PDE4B: variants seen among roughly 807,000 people sequenced by gnomAD.
The protein encoded by PDE4B is 3',5'-cyclic-AMP phosphodiesterase 4B.
Under a neutral mutation model 82.2 loss-of-function variants are expected in PDE4B, and 20 were observed. That is an observed-to-expected ratio of 0.24 (90% CI 0.17 to 0.35). PDE4B has a LOEUF of 0.35. PDE4B is among the 10% of genes least tolerant of loss of function. PDE4B has a pLI of 1.00. For missense variants in PDE4B, 655 were observed against 907.2 expected (o/e 0.72, Z 3.57); for synonymous variants, 320 against 318.9 (o/e 1.00, Z -0.04).
chr1:66,014,839 T>A (rs555867686), intron 3 of PDE4B, among the ~76,000 whole-genome samples: 1 of 152,050 alleles, frequency 6.6e-6, no homozygotes, highest in African/African-American at 2.4e-5. Context: ...AATAAACAGC[T>A]CCCTAAAGCA....
intron 3 of PDE4B, among the ~76,000 whole-genome samples, chr1:65,989,893 AT>A (rs10654149): frequency 1.4e-5 from 2 of 142,532 alleles, no homozygotes; most frequent in African/African-American, 5.2e-5. Context: ...AAAGTGTCTC[AT>A]TTTTTTTTTT....
At chr1:65,905,431 G>A (rs377436927) in intron 1 of PDE4B, among the ~76,000 whole-genome samples, 1 of 152,082 alleles carries the variant, frequency 6.6e-6, no homozygotes, top group South Asian at 2.1e-4. Flanking sequence ...TGTGGCATAA[G>A]CATAAGGTGG....
intron 7 of PDE4B, among the ~76,000 whole-genome samples, chr1:66,307,377 C>T (rs971193494): frequency 3.9e-5 from 6 of 151,998 alleles, no homozygotes; most frequent in Admixed American, 6.6e-5. Flanking sequence ...TGAGGTCCTG[C>T]AAGAAACTAG....
At chr1:65,930,978 A>G (rs1028251689) in intron 3 of PDE4B, among the ~76,000 whole-genome samples, 4 of 152,264 alleles carry the variant, frequency 2.6e-5, no homozygotes, top group East Asian at 1.9e-4. Flanking sequence ...GTAATCCCCA[A>G]TGTTGGAAGT....
intron 1 of PDE4B, among the ~76,000 whole-genome samples, chr1:65,855,644 A>T (rs572520052): frequency 6.6e-6 from 1 of 152,292 alleles, no homozygotes; most frequent in African/African-American, 2.4e-5. Context: ...GTATGTCTTA[A>T]TATTCAGTGG....
chr1:66,091,284 C>G (rs1212837029), intron 3 of PDE4B, among the ~76,000 whole-genome samples: 2 of 151,996 alleles, frequency 1.3e-5, no homozygotes, highest in African/African-American at 4.8e-5. Context: ...TCCTAGCAAC[C>G]AAGTTTCCTG....
intron 3 of PDE4B, among the ~76,000 whole-genome samples, chr1:66,062,205 T>C (rs1213363758): frequency 1.3e-5 from 2 of 152,100 alleles, no homozygotes; most frequent in African/African-American, 4.8e-5. Flanking sequence ...AATACCTTAG[T>C]TAAAATGAAA....
intron 1 of PDE4B, among the ~76,000 whole-genome samples, chr1:65,866,894 G>T (rs1212415523): frequency 6.6e-6 from 1 of 152,184 alleles, no homozygotes; most frequent in Non-Finnish European, 1.5e-5. Flanking sequence ...TATAAAAATT[G>T]TAAGAAAAGT....
intron 1 of PDE4B, among the ~76,000 whole-genome samples, chr1:65,866,292 A>G (rs1271480777): frequency 6.6e-6 from 1 of 152,200 alleles, no homozygotes; most frequent in African/African-American, 2.4e-5. Flanking sequence ...ATTTAAGCCA[A>G]CACCAAAAAC....
At chr1:66,059,285 C>T (rs957900076) in intron 3 of PDE4B, among the ~76,000 whole-genome samples, 29 of 152,182 alleles carry the variant, frequency 1.9e-4, no homozygotes, top group African/African-American at 7.0e-4. Flanking sequence ...CTAGGAAGTT[C>T]CAAGCCTTCC....
intron 12 of PDE4B, among the ~76,000 whole-genome samples, chr1:66,364,458 T>G (rs1663071707): frequency 6.6e-6 from 1 of 152,144 alleles, no homozygotes; most frequent in African/African-American, 2.4e-5. Context: ...CAGGTCATAC[T>G]CTTACTTGAC....
At chr1:66,094,995 G>A (rs529686348) in intron 3 of PDE4B, among the ~76,000 whole-genome samples, 1 of 151,982 alleles carries the variant, frequency 6.6e-6, no homozygotes, top group African/African-American at 2.4e-5. Context: ...AAGAAACTGA[G>A]ACTGACTGGT....
chr1:65,856,891 C>T (rs1040431188), intron 1 of PDE4B, among the ~76,000 whole-genome samples: 7 of 152,172 alleles, frequency 4.6e-5, no homozygotes, highest in African/African-American at 1.7e-4. Context: ...AGATATACTC[C>T]TTCCTTCGAA....
chr1:66,332,658 T>G (rs1221944136), intron 8 of PDE4B, 38 bp downstream of exon 8: 4 of 1,583,504 alleles, frequency 2.5e-6, no homozygotes, highest in Non-Finnish European at 2.6e-6. Flanking sequence ...AGTGTGATCA[T>G]GCAGGGAGCT....
At chr1:66,009,042 T>TGA (rs1652316875) in intron 3 of PDE4B, among the ~76,000 whole-genome samples, 1 of 152,168 alleles carries the variant, frequency 6.6e-6, no homozygotes, top group Non-Finnish European at 1.5e-5. Context: ...AGCAGCCTTC[T>TGA]TGACAGCCAA....
At chr1:65,914,005 C>G (rs559351856) in intron 2 of PDE4B, among the ~76,000 whole-genome samples, 1 of 152,190 alleles carries the variant, frequency 6.6e-6, no homozygotes, top group Non-Finnish European at 1.5e-5. Context: ...GGATCTTGGT[C>G]CTTAATTATC....
intron 1 of PDE4B, among the ~76,000 whole-genome samples, chr1:65,899,097 A>G (rs1646942824): frequency 6.6e-6 from 1 of 152,088 alleles, no homozygotes; most frequent in Admixed American, 6.6e-5. Flanking sequence ...AGAATCTACA[A>G]CAAACTCAAA....
chr1:65,829,423 A>C (rs998518801), intron 1 of PDE4B, among the ~76,000 whole-genome samples: 6 of 152,190 alleles, frequency 3.9e-5, no homozygotes, highest in African/African-American at 7.2e-5. Flanking sequence ...AAGGATATAG[A>C]TGGCCTAAAC....
chr1:66,060,938 G>T (rs1318281066), intron 3 of PDE4B, among the ~76,000 whole-genome samples: 1 of 151,712 alleles, frequency 6.6e-6, no homozygotes, highest in Non-Finnish European at 1.5e-5. Context: ...AAAAATAGGT[G>T]TAATACATAT....
Sources: allele counts gnomAD v4.1 joint callset (sites outside exome capture counted in the v4.1 genomes callset), GRCh38; gene constraint gnomAD v4.1.1; transcripts MANE v1.5; gene names NCBI Gene and HGNC (gene_info 2026-07-23, HGNC 2026-07-21).